PDE4D: variants seen among roughly 807,000 people sequenced by gnomAD.
PDE4D encodes phosphodiesterase 4D.
A neutral mutation model predicts 87.4 loss-of-function variants in PDE4D; 24 were observed. The ratio of observed to expected loss-of-function variants is 0.27; its 90% CI spans 0.20 to 0.39. The LOEUF (loss-of-function observed/expected upper bound fraction) is 0.39, where lower values mean the gene tolerates loss of function less well. Among genes scored for constraint, PDE4D ranks in the 10% least tolerant of loss-of-function variants. The pLI, the probability that PDE4D is intolerant of heterozygous loss-of-function variation, is 1.00. For missense variants in PDE4D, 714 were observed against 1,041.0 expected, an observed-to-expected ratio of 0.69 and a Z score of 4.32; for synonymous variants, 384 against 383.2, an observed-to-expected ratio of 1.00 and a Z score of -0.02.
chr5:60,443,332 A>G (rs1256948417), intron 1 of PDE4D, among the ~76,000 whole-genome samples: 1 of 152,160 alleles, frequency 6.6e-6, no homozygotes, highest in African/African-American at 2.4e-5. Context: ...CAACTAGTAA[A>G]GTCAAGCAAA....
chr5:59,701,297 C>T (rs1459580458), intron 1 of PDE4D, among the ~76,000 whole-genome samples: 1 of 152,256 alleles, frequency 6.6e-6, no homozygotes, highest in South Asian at 2.1e-4. Context: ...CTGCATAGTG[C>T]TAATCACGGC....
intron 11 of PDE4D, 95 bp downstream of exon 11, chr5:58,988,398 T>G: frequency 2.2e-6 from 1 of 459,058 alleles, no homozygotes; most frequent in Non-Finnish European, 3.9e-6. Context: ...CAAAAGAACA[T>G]TATGGCTCTG....
At chr5:59,978,601 G>C (rs757736163) in intron 3 of PDE4D, among the ~76,000 whole-genome samples, 1 of 152,138 alleles carries the variant, frequency 6.6e-6, no homozygotes, top group Non-Finnish European at 1.5e-5. Context: ...GGCAACAAAG[G>C]ATTTAAAATA....
At chr5:60,395,206 C>T (rs1762808505) in intron 1 of PDE4D, among the ~76,000 whole-genome samples, 1 of 152,052 alleles carries the variant, frequency 6.6e-6, no homozygotes, top group Admixed American at 6.6e-5. Flanking sequence ...ATAATCGTAC[C>T]AGCAGAAATC....
chr5:59,130,532 G>T (rs1776119166), intron 5 of PDE4D, among the ~76,000 whole-genome samples: 1 of 152,070 alleles, frequency 6.6e-6, no homozygotes. Flanking sequence ...AATAATAATA[G>T]CATTTTAACT....
At chr5:59,840,208 T>G (rs1742762202) in intron 1 of PDE4D, among the ~76,000 whole-genome samples, 1 of 151,358 alleles carries the variant, frequency 6.6e-6, no homozygotes, top group African/African-American at 2.4e-5. Flanking sequence ...TCTGAAGGCT[T>G]GTCTTCTAGT....
At chr5:59,393,447 C>T (rs552405762) in intron 1 of PDE4D, among the ~76,000 whole-genome samples, 13 of 152,106 alleles carry the variant, frequency 8.5e-5, no homozygotes, top group Non-Finnish European at 1.8e-4. Context: ...CCTCTTCTCC[C>T]CCTCAAAATT....
chr5:59,635,978 A>T (rs1240158756), intron 1 of PDE4D, among the ~76,000 whole-genome samples: 1 of 152,244 alleles, frequency 6.6e-6, no homozygotes, highest in Non-Finnish European at 1.5e-5. Context: ...CTGTATATTT[A>T]GAAAACCCCA....
intron 3 of PDE4D, among the ~76,000 whole-genome samples, chr5:59,944,345 G>T (rs1391794447): frequency 6.6e-6 from 1 of 151,994 alleles, no homozygotes; most frequent in East Asian, 1.9e-4. Flanking sequence ...ATTGTATCTG[G>T]GCATGCTTTT....
At chr5:59,475,808 G>C (rs1562253669) in intron 1 of PDE4D, among the ~76,000 whole-genome samples, 1 of 151,978 alleles carries the variant, frequency 6.6e-6, no homozygotes, top group African/African-American at 2.4e-5. Context: ...CAAGCTCCCA[G>C]AGTCTTCCCA....
At chr5:59,261,660 C>A (rs1319896969) in intron 1 of PDE4D, among the ~76,000 whole-genome samples, 1 of 151,516 alleles carries the variant, frequency 6.6e-6, no homozygotes, top group African/African-American at 2.4e-5. Context: ...TTTTTGTGTT[C>A]CCTCTCTACA....
At chr5:60,337,707 T>C (rs1461142927) in intron 1 of PDE4D, among the ~76,000 whole-genome samples, 6 of 152,060 alleles carry the variant, frequency 3.9e-5, no homozygotes, top group Non-Finnish European at 8.8e-5. Context: ...ATTCCTCCCT[T>C]AGTATCACCA....
chr5:60,007,473 C>A (rs1764602617), intron 2 of PDE4D, among the ~76,000 whole-genome samples: 1 of 151,956 alleles, frequency 6.6e-6, no homozygotes, highest in African/African-American at 2.4e-5. Context: ...AAAATCTCAA[C>A]TATTGGATAT....
intron 2 of PDE4D, among the ~76,000 whole-genome samples, chr5:60,020,475 C>T (rs528795774): frequency 1.3e-5 from 2 of 152,210 alleles, no homozygotes; most frequent in South Asian, 4.1e-4. Flanking sequence ...TGAGGCATGC[C>T]TCATTTGTAT....
At chr5:60,202,801 A>C (rs892840006) in intron 1 of PDE4D, among the ~76,000 whole-genome samples, 1 of 152,024 alleles carries the variant, frequency 6.6e-6, no homozygotes, top group East Asian at 1.9e-4. Context: ...GTTTTGAGGC[A>C]CTCATTTATT....
At chr5:60,258,829 C>G (rs1003309638) in intron 1 of PDE4D, among the ~76,000 whole-genome samples, 4 of 151,748 alleles carry the variant, frequency 2.6e-5, no homozygotes, top group African/African-American at 9.7e-5. Context: ...GCAAATATAA[C>G]TATCATAAAC....
chr5:59,508,719 C>A (rs1029512814), intron 1 of PDE4D, among the ~76,000 whole-genome samples: 1 of 151,730 alleles, frequency 6.6e-6, no homozygotes, highest in African/African-American at 2.4e-5. Flanking sequence ...GAGCAAAAGA[C>A]AATAAAAATC....
intron 2 of PDE4D, among the ~76,000 whole-genome samples, chr5:60,072,387 T>C (rs1772822145): frequency 6.6e-6 from 1 of 152,206 alleles, no homozygotes; most frequent in Non-Finnish European, 1.5e-5. Flanking sequence ...TTTAAGTTCC[T>C]TATAGATGCT....
chr5:59,495,964 A>T (rs925036534), intron 1 of PDE4D, among the ~76,000 whole-genome samples: 7 of 151,694 alleles, frequency 4.6e-5, no homozygotes, highest in Non-Finnish European at 1.0e-4. Flanking sequence ...GCTCAATTAG[A>T]CCCTCCACCT....
Sources: gnomAD v4.1 joint callset for allele counts (sites outside exome capture counted in the v4.1 genomes callset) on GRCh38, gnomAD v4.1.1 for gene constraint, MANE v1.5 for transcripts, NCBI Gene and HGNC (gene_info 2026-07-23, HGNC 2026-07-21) for gene names.